Variants in EPN2 observed in about 807,000 individuals in gnomAD.
EPN2 encodes epsin 2, also known as epsin-2.
In EPN2, 34 loss-of-function variants were observed where a neutral mutation model predicts 61.7. That is an observed-to-expected ratio of 0.55 (90% CI 0.42 to 0.73). EPN2 has a LOEUF of 0.73. EPN2 is among the 30% of genes least tolerant of loss of function. The pLI is 0.00. For synonymous variants in EPN2, 349 were observed against 353.6 expected, an observed-to-expected ratio of 0.99 and a Z score of 0.15; for missense variants, 714 against 839.2, an observed-to-expected ratio of 0.85 and a Z score of 1.84.
At position 19,331,809 on chromosome 17, in the gene EPN2, C is replaced by A. The variant is rs551291654; in HGVS notation, c.1412-44C>A. On this transcript the variant is annotated intron_variant, in intron 9 of 10. Coordinates refer to ENST00000314728, the MANE Select transcript of EPN2 (RefSeq NM_014964.5). Reference sequence around the variant, plus strand: ...TGTGTTAAGTACACAGTCTTAGGCTCTCCCTGCCACACTCACCCTGCCATA... The same window carrying A: ...TGTGTTAAGTACACAGTCTTAGGCTATCCCTGCCACACTCACCCTGCCATA... 1.2e-5 allele frequency: 18 copies of A among 1,549,046 alleles called. No individual in the cohort carries two copies. In the Middle Eastern group the frequency reaches 2.0e-3, roughly 174 times the overall value.
At chr17:19,315,836 A>G (rs1399545963) in intron 7 of EPN2, among the ~76,000 whole-genome samples, 1 of 152,252 alleles carries the variant, frequency 6.6e-6, no homozygotes, top group East Asian at 1.9e-4. Context: ...CACATTCACA[A>G]TGTTGTGCAG....
chr17:19,297,413 C>T (rs938085913), intron 4 of EPN2: 2 of 152,238 alleles, frequency 1.3e-5, no homozygotes, highest in East Asian at 1.9e-4. Context: ...CATTCACAAC[C>T]GTGTGACATT....
intron 1 of EPN2, among the ~76,000 whole-genome samples, chr17:19,252,025 C>T (rs1261935372): frequency 6.6e-6 from 1 of 152,066 alleles, no homozygotes; most frequent in Non-Finnish European, 1.5e-5. Flanking sequence ...ATTGTGACCC[C>T]GTTGCATGAA....
At chr17:19,256,068 G>A (rs1443043444) in intron 1 of EPN2, among the ~76,000 whole-genome samples, 1 of 152,010 alleles carries the variant, frequency 6.6e-6, no homozygotes, top group African/African-American at 2.4e-5. Flanking sequence ...CTCCCGAGTA[G>A]CTGGGACTAC....
At chr17:19,320,797 T>TATAA (rs373564189) in intron 7 of EPN2, among the ~76,000 whole-genome samples, 110 of 152,304 alleles carry the variant, frequency 7.2e-4, no homozygotes, top group African/African-American at 2.5e-3. Flanking sequence ...GAATTGGACA[T>TATAA]TTATCCAGAA....
chr17:19,272,750 A>G (rs1213844440), intron 1 of EPN2, among the ~76,000 whole-genome samples: 1 of 152,178 alleles, frequency 6.6e-6, no homozygotes, highest in East Asian at 1.9e-4. Context: ...GGAGCATTCA[A>G]CAATTCTCAT....
chr17:19,308,893 G>A (rs1415852421), intron 4 of EPN2, among the ~76,000 whole-genome samples: 3 of 152,138 alleles, frequency 2.0e-5, no homozygotes, highest in Non-Finnish European at 4.4e-5. Context: ...TAAGACTCCC[G>A]TGGGGTTTGT....
At chr17:19,266,543 C>T (rs949588390) in intron 1 of EPN2, among the ~76,000 whole-genome samples, 1 of 152,034 alleles carries the variant, frequency 6.6e-6, no homozygotes, top group Admixed American at 6.5e-5. Context: ...GCTGAGACTA[C>T]AGGCGCCCGC....
chr17:19,293,976 G>A (rs375706024), intron 4 of EPN2, among the ~76,000 whole-genome samples: 1 of 151,936 alleles, frequency 6.6e-6, no homozygotes, highest in African/African-American at 2.4e-5. Context: ...TGTAATCCCA[G>A]CTACCCAGGA....
intron 1 of EPN2, among the ~76,000 whole-genome samples, chr17:19,269,694 G>C (rs1324481754): frequency 6.6e-6 from 1 of 152,198 alleles, no homozygotes; most frequent in Non-Finnish European, 1.5e-5. Context: ...AAGGGAGCTG[G>C]GAATGCCAGG....
chr17:19,266,915 G>A (rs2045205096), intron 1 of EPN2, among the ~76,000 whole-genome samples: 2 of 148,138 alleles, frequency 1.4e-5, no homozygotes, highest in Admixed American at 6.7e-5. Flanking sequence ...TGCCGGGCAC[G>A]GTGGCTCAGG....
intron 1 of EPN2, among the ~76,000 whole-genome samples, chr17:19,241,360 G>A (rs917898369): frequency 3.3e-5 from 5 of 152,106 alleles, no homozygotes; most frequent in African/African-American, 7.2e-5. Context: ...CAAAGCGGCC[G>A]GATCACCCTG....
chr17:19,315,201 C>T (rs922420372), intron 7 of EPN2, among the ~76,000 whole-genome samples: 1 of 152,242 alleles, frequency 6.6e-6, no homozygotes, highest in Non-Finnish European at 1.5e-5. Context: ...TTATGCCCAG[C>T]CCCTCCTTTG....
At chr17:19,306,618 A>C (rs1655144698) in intron 4 of EPN2, among the ~76,000 whole-genome samples, 1 of 152,234 alleles carries the variant, frequency 6.6e-6, no homozygotes, top group Non-Finnish European at 1.5e-5. Context: ...CTGGCCTTGC[A>C]GATGTGCTAG....
At chr17:19,278,236 A>G (rs2045327892) in intron 1 of EPN2, among the ~76,000 whole-genome samples, 1 of 152,094 alleles carries the variant, frequency 6.6e-6, no homozygotes, top group Admixed American at 6.6e-5. Context: ...TCGGCTTCCC[A>G]AAGTGCTGGG....
chr17:19,293,768 A>G (rs923824061), intron 4 of EPN2, among the ~76,000 whole-genome samples: 5 of 151,928 alleles, frequency 3.3e-5, no homozygotes, highest in African/African-American at 1.2e-4. Flanking sequence ...GATTGTCAGA[A>G]TATGGGATTG....
At chr17:19,261,672 G>A (rs934870660) in intron 1 of EPN2, among the ~76,000 whole-genome samples, 1 of 152,160 alleles carries the variant, frequency 6.6e-6, no homozygotes, top group African/African-American at 2.4e-5. Context: ...CACATTTTCG[G>A]TATGAACTTA....
At chr17:19,266,547 C>T (rs978468377) in intron 1 of EPN2, among the ~76,000 whole-genome samples, 2 of 151,950 alleles carry the variant, frequency 1.3e-5, no homozygotes, top group Admixed American at 6.5e-5. Flanking sequence ...AGACTACAGG[C>T]GCCCGCTACC....
intron 4 of EPN2, among the ~76,000 whole-genome samples, chr17:19,295,068 T>C (rs1370491974): frequency 6.6e-6 from 1 of 152,152 alleles, no homozygotes; most frequent in Non-Finnish European, 1.5e-5. Context: ...TATCCTTTTT[T>C]ACTATCTTCA....
Sources: gnomAD v4.1 joint callset for allele counts (sites outside exome capture counted in the v4.1 genomes callset) on GRCh38, gnomAD v4.1.1 for gene constraint, MANE v1.5 for transcripts, NCBI Gene and HGNC (gene_info 2026-07-23, HGNC 2026-07-21) for gene names.